Variants in COL26A1 observed in about 807,000 individuals in gnomAD.
COL26A1 encodes the protein collagen type XXVI alpha 1 chain, also known as collagen alpha-1(XXVI) chain.
A neutral mutation model predicts 59.3 loss-of-function variants in COL26A1; 41 were observed. The observed-to-expected ratio is 0.69, with a 90% CI of 0.54 to 0.90. COL26A1 has a LOEUF of 0.90. COL26A1 is among the 40% of genes least tolerant of loss of function. The probability of loss-of-function intolerance (pLI) is 0.00; values close to 1 mark genes in which losing one functional copy is unlikely to be tolerated. For synonymous variants in COL26A1, 266 were observed against 256.0 expected, an observed-to-expected ratio of 1.04 and a Z score of -0.37; for missense variants, 612 against 602.3, an observed-to-expected ratio of 1.02 and a Z score of -0.17.
rs368162226 is a variant in COL26A1, at chr7:101,447,721, T to C, written c.319T>C (p.Tyr107His). ...TLIRPTYRVSYRTVTVLEWRC... is the reference protein window; with the variant it reads ...TLIRPTYRVSHRTVTVLEWRC... ...GATCAGACCCACCTACAGAGTGTCC[T>C]ACCGCACGGTGACGGTGCTGGAGTG... is the stretch of plus-strand genomic sequence containing the variant. Residue 107 changes from tyrosine to histidine, a missense_variant, in exon 3 of 13, where the codon TAC (tyrosine) becomes CAC (histidine). By Grantham distance (83) the Tyr-to-His change is moderately conservative. Coordinates refer to ENST00000313669, the MANE Select transcript of COL26A1 (RefSeq NM_001278563.3). The C allele has an allele frequency of 3.7e-6, 6 of 1,606,044 alleles. No individual in the cohort carries two copies. The highest frequency in any genetic ancestry group is 5.1e-6 in the Non-Finnish European group (6 of 1,176,546).
intron 12 of COL26A1, among the ~76,000 whole-genome samples, chr7:101,556,339 G>T (rs1334044090): frequency 6.6e-6 from 1 of 152,218 alleles, no homozygotes; most frequent in Non-Finnish European, 1.5e-5. Context: ...TGATACCTCT[G>T]CAGGGCCTGG....
At chr7:101,517,553 A>G (rs1291305706) in intron 3 of COL26A1, among the ~76,000 whole-genome samples, 1 of 152,044 alleles carries the variant, frequency 6.6e-6, no homozygotes, top group African/African-American at 2.4e-5. Context: ...ATCTCGCGAG[A>G]CTTACTCACT....
intron 3 of COL26A1, among the ~76,000 whole-genome samples, chr7:101,475,430 T>A (rs1038821108): frequency 5.9e-5 from 9 of 152,130 alleles, no homozygotes; most frequent in African/African-American, 1.7e-4. Context: ...ACTTCCTGCT[T>A]CTGCTGTTTT....
At chr7:101,442,422 G>A (rs1473309665) in intron 2 of COL26A1, among the ~76,000 whole-genome samples, 1 of 151,854 alleles carries the variant, frequency 6.6e-6, no homozygotes, top group Non-Finnish European at 1.5e-5. Context: ...CGCCTCCCGG[G>A]TTCAAGGAAT....
chr7:101,397,051 G>C (rs1377313271), intron 1 of COL26A1, among the ~76,000 whole-genome samples: 1 of 152,136 alleles, frequency 6.6e-6, no homozygotes, highest in African/African-American at 2.4e-5. Context: ...CATGGCCAAA[G>C]GTGAGGCTTT....
chr7:101,453,588 G>A (rs755470613), intron 3 of COL26A1, among the ~76,000 whole-genome samples: 14 of 152,128 alleles, frequency 9.2e-5, no homozygotes, highest in Admixed American at 1.3e-4. Flanking sequence ...CTCAGGATGC[G>A]TGTCCCCTTC....
At chr7:101,440,581 C>T (rs901351036) in intron 2 of COL26A1, among the ~76,000 whole-genome samples, 4 of 152,150 alleles carry the variant, frequency 2.6e-5, no homozygotes, top group African/African-American at 9.7e-5. Flanking sequence ...TGACACAGTG[C>T]CACCTACTGG....
intron 3 of COL26A1, among the ~76,000 whole-genome samples, chr7:101,489,675 TCC>T (rs1491167225): frequency 2.2e-4 from 10 of 45,952 alleles, no homozygotes; most frequent in African/African-American, 1.5e-3. Context: ...CTTCCTTCCT[TCC>T]TTCCTTTCTT....
intron 1 of COL26A1, among the ~76,000 whole-genome samples, chr7:101,399,484 T>A (rs995536178): frequency 6.6e-6 from 1 of 152,026 alleles, no homozygotes; most frequent in South Asian, 2.1e-4. Flanking sequence ...CCACCACACC[T>A]GGCTAATTTT....
At chr7:101,482,356 C>T (rs1334093558) in intron 3 of COL26A1, among the ~76,000 whole-genome samples, 1 of 152,058 alleles carries the variant, frequency 6.6e-6, no homozygotes, top group Non-Finnish European at 1.5e-5. Flanking sequence ...CAGCATGAGG[C>T]CTTTGAAAAT....
At chr7:101,412,128 G>A (rs1792255258) in intron 1 of COL26A1, among the ~76,000 whole-genome samples, 2 of 152,024 alleles carry the variant, frequency 1.3e-5, no homozygotes, top group Admixed American at 1.3e-4. Context: ...TTGACTCCAG[G>A]GGCAGAGCTT....
rs530453932 is a variant in COL26A1, at chr7:101,557,446, C to T, written c.1242C>T (p.Gly414=). ...LRANLKMKRG[G]AQPDGVLAAL... ...CCAACCTCAAGATGAAGAGGGGTGG[C>T]GCCCAACCCGATGGGGTCCTTGCTG... is the stretch of plus-strand genomic sequence containing the variant. The change falls in exon 13 of 13, where the codon GGC becomes GGT. Residue 414 remains glycine (G), a synonymous_variant. Transcript: ENST00000313669. The T allele has an allele frequency of 2.1e-5, 34 of 1,613,636 alleles. No individual in the cohort carries two copies. The East Asian group carries it at 4.7e-4, about 22-fold the overall frequency.
intron 1 of COL26A1, among the ~76,000 whole-genome samples, chr7:101,387,747 TA>T (rs1384118589): frequency 2.0e-5 from 2 of 100,930 alleles, no homozygotes; most frequent in African/African-American, 8.5e-5. Context: ...TATATATATA[TA>T]TATATTTATA....
intron 3 of COL26A1, among the ~76,000 whole-genome samples, chr7:101,460,934 G>A (rs961310043): frequency 5.3e-5 from 8 of 151,992 alleles, no homozygotes; most frequent in Admixed American, 4.6e-4. Flanking sequence ...CAACCTCTGC[G>A]GCCAGGTCTC....
At chr7:101,386,653 C>T (rs894977994) in intron 1 of COL26A1, among the ~76,000 whole-genome samples, 10 of 152,128 alleles carry the variant, frequency 6.6e-5, no homozygotes, top group Middle Eastern at 3.2e-3. Flanking sequence ...ATTGAATCAA[C>T]GGCAGCTGGA....
chr7:101,470,469 C>T (rs1389951735), intron 3 of COL26A1, among the ~76,000 whole-genome samples: 1 of 151,876 alleles, frequency 6.6e-6, no homozygotes, highest in Non-Finnish European at 1.5e-5. Context: ...TCTATGTCTG[C>T]TGCTTGATTT....
chr7:101,450,746 C>A (rs1451191889), intron 3 of COL26A1, among the ~76,000 whole-genome samples: 8 of 99,164 alleles, frequency 8.1e-5, no homozygotes, highest in African/African-American at 2.0e-4. Flanking sequence ...ATTCCATATT[C>A]TATATGAATA....
intron 3 of COL26A1, among the ~76,000 whole-genome samples, chr7:101,481,977 A>G (rs1794166200): frequency 6.6e-6 from 1 of 152,084 alleles, no homozygotes; most frequent in Non-Finnish European, 1.5e-5. Context: ...AATGCTAACA[A>G]TAATGATTAT....
At chr7:101,382,738 A>G (rs1057002379) in intron 1 of COL26A1, among the ~76,000 whole-genome samples, 17 of 152,134 alleles carry the variant, frequency 1.1e-4, no homozygotes, top group African/African-American at 2.9e-4. Context: ...TGTTAAATTA[A>G]TGGAGTCATA....
Sources: allele counts gnomAD v4.1 joint callset (sites outside exome capture counted in the v4.1 genomes callset), GRCh38; gene constraint gnomAD v4.1.1; transcripts MANE v1.5; gene names NCBI Gene and HGNC (gene_info 2026-07-23, HGNC 2026-07-21).